The following OCIAD1 variants were observed in gnomAD, a reference collection of about 807,000 sequenced individuals.
The protein encoded by OCIAD1 is OCIA domain-containing protein 1.
A neutral mutation model predicts 38.9 loss-of-function variants in OCIAD1; 29 were observed. The ratio of observed to expected loss-of-function variants is 0.74; its 90% CI spans 0.55 to 1.02. The LOEUF (loss-of-function observed/expected upper bound fraction) is 1.02. Ranked by LOEUF, OCIAD1 falls within the 50% of genes least tolerant of loss-of-function variation. The pLI, the probability that OCIAD1 is intolerant of heterozygous loss-of-function variation, is 0.00. For missense variants in OCIAD1, 288 were observed against 289.6 expected (o/e 0.99, Z 0.04); for synonymous variants, 110 against 92.0 (o/e 1.20, Z -1.12).
At chr4:48,820,895 G>A (rs188076375) in intron 1 of OCIAD1, among the ~76,000 whole-genome samples, 4 of 152,262 alleles carry the variant, frequency 2.6e-5, no homozygotes, top group African/African-American at 9.6e-5. Context: ...TTCTGAAATT[G>A]AGGCAGTAAT....
chr4:48,822,484 G>A (rs935878115), intron 1 of OCIAD1, among the ~76,000 whole-genome samples: 6 of 152,094 alleles, frequency 3.9e-5, no homozygotes, highest in Non-Finnish European at 5.9e-5. Context: ...CATAGGCATG[G>A]GCAAAGACTT....
chr4:48,860,036 A>T (rs1780459286), intron 8 of OCIAD1: 1 of 152,416 alleles, frequency 6.6e-6, no homozygotes, highest in Middle Eastern at 3.4e-3. Context: ...CCACACTGTG[A>T]TAACTGCTGC....
upstream of OCIAD1, among the ~76,000 whole-genome samples, chr4:48,828,314 G>A (rs1455750150): frequency 6.6e-6 from 1 of 152,118 alleles, no homozygotes; most frequent in Non-Finnish European, 1.5e-5. Context: ...TCAGCACCCT[G>A]TCAAAATTGA....
At chr4:48,853,595 T>C (rs1348116400) in intron 7 of OCIAD1, among the ~76,000 whole-genome samples, 3 of 152,150 alleles carry the variant, frequency 2.0e-5, no homozygotes, top group Admixed American at 2.0e-4. Flanking sequence ...GAGAAGGTTC[T>C]AGAGAATGCA....
At chr4:48,805,944 G>A (rs752896918) in intron 1 of OCIAD1, among the ~76,000 whole-genome samples, 4 of 151,984 alleles carry the variant, frequency 2.6e-5, no homozygotes, top group Admixed American at 6.6e-5. Flanking sequence ...TTTCATGTCC[G>A]GCTTCTTTAG....
chr4:48,831,517 G>A, intron 1 of OCIAD1: 1 of 1,290,718 alleles, frequency 7.7e-7, no homozygotes, highest in Non-Finnish European at 1.0e-6. Flanking sequence ...GACACTGGGT[G>A]GAGGATGGAG....
intron 1 of OCIAD1, among the ~76,000 whole-genome samples, chr4:48,824,080 G>C (rs557394208): frequency 2.0e-5 from 3 of 152,040 alleles, no homozygotes; most frequent in Non-Finnish European, 4.4e-5. Flanking sequence ...CCAGGCTCAA[G>C]TGATCCTCCC....
At chr4:48,852,878 T>TTTTTTTTTTTTG (rs1315271846) in intron 7 of OCIAD1, among the ~76,000 whole-genome samples, 8 of 147,258 alleles carry the variant, frequency 5.4e-5, no homozygotes, top group African/African-American at 1.5e-4. Context: ...TTTTTTTGTT[T>TTTTTTTTTTTTG]TTTGTTTTTT....
intron 1 of OCIAD1, among the ~76,000 whole-genome samples, chr4:48,824,042 G>C (rs1211240966): frequency 5.9e-5 from 9 of 151,520 alleles, no homozygotes; most frequent in Non-Finnish European, 1.2e-4. Flanking sequence ...GCAGTGGCAT[G>C]ATCTTGGCTT....
intron 1 of OCIAD1, among the ~76,000 whole-genome samples, chr4:48,805,782 A>T (rs538932907): frequency 7.9e-5 from 12 of 152,130 alleles, no homozygotes; most frequent in East Asian, 1.9e-4. Context: ...TAGAAAAAAA[A>T]TTTTTTAATG....
chr4:48,822,876 A>G (rs932560203), intron 1 of OCIAD1, among the ~76,000 whole-genome samples: 2 of 152,248 alleles, frequency 1.3e-5, no homozygotes, highest in African/African-American at 4.8e-5. Flanking sequence ...TGATTATTAA[A>G]AAGTCAGGAG....
intron 3 of OCIAD1, among the ~76,000 whole-genome samples, chr4:48,841,933 A>G (rs1353327521): frequency 6.6e-6 from 1 of 152,182 alleles, no homozygotes; most frequent in African/African-American, 2.4e-5. Context: ...TGTTTAAAAT[A>G]TGTGCTTTTT....
chr4:48,834,868 G>A (rs181048606), intron 3 of OCIAD1, among the ~76,000 whole-genome samples: 72 of 152,296 alleles, frequency 4.7e-4, no homozygotes, highest in African/African-American at 1.4e-3. Context: ...AAATGTGCAA[G>A]GTACCTGTTG....
upstream of OCIAD1, among the ~76,000 whole-genome samples, chr4:48,826,717 A>G (rs371118027): frequency 6.6e-6 from 1 of 152,234 alleles, no homozygotes; most frequent in African/African-American, 2.4e-5. Flanking sequence ...TAAAAATCAT[A>G]AAAGCAAAAA....
chr4:48,826,069 A>G (rs1398611914), upstream of OCIAD1, among the ~76,000 whole-genome samples: 2 of 151,952 alleles, frequency 1.3e-5, no homozygotes, highest in Admixed American at 1.3e-4. Flanking sequence ...AACTCCTGAC[A>G]TCAAGTGATC....
At chr4:48,832,408 C>T (rs1000826100) in intron 1 of OCIAD1, among the ~76,000 whole-genome samples, 1 of 152,262 alleles carries the variant, frequency 6.6e-6, no homozygotes, top group Admixed American at 6.5e-5. Context: ...AGGGACTTAA[C>T]CTGAATAGTG....
chr4:48,810,346 G>A (rs753671001), intron 1 of OCIAD1, among the ~76,000 whole-genome samples: 5 of 151,762 alleles, frequency 3.3e-5, no homozygotes, highest in Admixed American at 6.6e-5. Context: ...GCGGGTGCCT[G>A]TAGTCCCAGC....
At chr4:48,825,680 C>T (rs1233353629) in intron 1 of OCIAD1, among the ~76,000 whole-genome samples, 1 of 152,132 alleles carries the variant, frequency 6.6e-6, no homozygotes, top group Non-Finnish European at 1.5e-5. Flanking sequence ...TTGTGGCATA[C>T]CTATAACACA....
At position 48,860,986 on chromosome 4, in the gene OCIAD1, T is replaced by C; in HGVS notation, c.*224T>C. On this transcript the variant is annotated 3_prime_UTR_variant, in exon 9 of 9. Transcript: ENST00000264312. ...TTAGGGATTCATTTGAATGATGGTA[T>C]TATACCATGATTGTATACAGTTTGT... The C allele has an allele frequency of 5.7e-6, 3 of 523,650 alleles. 1 individual carries two copies. The South Asian group carries it at 8.7e-5, about 15-fold the overall frequency. 32.4% of individuals were successfully genotyped at this position (523,650 alleles called of 1,614,324 possible). A position where few individuals can be genotyped will look rare whatever the true frequency, so the allele number is the denominator to read the frequency against.
Sources: allele counts gnomAD v4.1 joint callset (sites outside exome capture counted in the v4.1 genomes callset), GRCh38; gene constraint gnomAD v4.1.1; transcripts MANE v1.5; gene names NCBI Gene and HGNC (gene_info 2026-07-23, HGNC 2026-07-21).